Variants in TMEM132D observed in about 807,000 individuals in gnomAD.
TMEM132D encodes the protein transmembrane protein 132D, also known as mature OL transmembrane protein.
TMEM132D carries 21 observed loss-of-function variants against 62.3 expected under a neutral mutation model. That is an observed-to-expected ratio of 0.34 (90% CI 0.24 to 0.49). The LOEUF (loss-of-function observed/expected upper bound fraction) is 0.49. Ranked by LOEUF, TMEM132D falls within the 20% of genes least tolerant of loss-of-function variation. TMEM132D has a pLI of 0.99. For missense variants in TMEM132D, 1,346 were observed against 1,402.8 expected (o/e 0.96, Z 0.65); for synonymous variants, 621 against 575.6 (o/e 1.08, Z -1.13).
intron 4 of TMEM132D, among the ~76,000 whole-genome samples, chr12:129,265,629 C>T (rs559534832): frequency 1.3e-5 from 2 of 152,116 alleles, no homozygotes; most frequent in East Asian, 2.0e-4. Flanking sequence ...TCCTCTTCTC[C>T]CCTCATGTCT....
intron 2 of TMEM132D, among the ~76,000 whole-genome samples, chr12:129,540,555 C>T (rs979923265): frequency 6.6e-6 from 1 of 151,798 alleles, no homozygotes; most frequent in African/African-American, 2.4e-5. Flanking sequence ...GTGTGATCTC[C>T]ACTCACTGCA....
rs1014135232 is a variant in TMEM132D, at chr12:129,811,723, C to T, written c.79+91538G>A. ...TGCTGTCACATGAGCCAGGAGAAGACGCCAGACAGATACGGGGAGCAGGGC... is the reference window on the plus strand; with the variant it reads ...TGCTGTCACATGAGCCAGGAGAAGATGCCAGACAGATACGGGGAGCAGGGC... On this transcript the variant is annotated intron_variant, in intron 1 of 8. Transcript: ENST00000422113. Among the ~76,000 whole-genome samples, 13 of 151,832 alleles carry T rather than the reference C, an allele frequency of 8.6e-5. 1 individual carries two copies. The highest frequency in any genetic ancestry group is 3.4e-3 in the Middle Eastern group (1 of 294).
chr12:129,139,851 C>G (rs1411311652), intron 5 of TMEM132D, among the ~76,000 whole-genome samples: 1 of 152,066 alleles, frequency 6.6e-6, no homozygotes, highest in African/African-American at 2.4e-5. Context: ...GCTGGGACTA[C>G]AGGCATGTGC....
intron 3 of TMEM132D, among the ~76,000 whole-genome samples, chr12:129,433,044 G>T (rs569176429): frequency 1.3e-5 from 2 of 152,130 alleles, no homozygotes; most frequent in Non-Finnish European, 2.9e-5. Context: ...TTTGTATTTC[G>T]CTCCTTTGTA....
chr12:129,236,697 G>A (rs937254795), intron 4 of TMEM132D, among the ~76,000 whole-genome samples: 8 of 151,782 alleles, frequency 5.3e-5, no homozygotes, highest in African/African-American at 1.2e-4. Context: ...TTTTCTTTCC[G>A]ATTTGAATGC....
In TMEM132D at chr12:129,078,627, T is replaced by C. The variant is rs1874354430; in HGVS notation, c.2022A>G (p.Thr674=). 1.2e-6 allele frequency: 2 copies of C among 1,614,184 alleles called. No individual in the cohort carries two copies. The highest frequency in any genetic ancestry group is 2.7e-5 in the African/African-American group (2 of 75,046). ...TGAGCTGCAAGGAGAGTGACAGCCC[T>C]GTCACCAGCTGCACCCCGAGGTCTG... The part of the protein sequence containing the change: ...TITDLGVQLV[T]GLSLSLQLSP... Residue 674 remains threonine (T), a synonymous_variant, in exon 8 of 9, where the codon ACA becomes ACG. Coordinates refer to ENST00000422113, the MANE Select transcript of TMEM132D (RefSeq NM_133448.3).
intron 3 of TMEM132D, among the ~76,000 whole-genome samples, chr12:129,437,370 T>G (rs1178568593): frequency 2.0e-5 from 3 of 152,198 alleles, no homozygotes; most frequent in Non-Finnish European, 1.5e-5. Flanking sequence ...ATACACTTTG[T>G]CTGCTTAGAG....
At chr12:129,367,121 C>A (rs1260151085) in intron 3 of TMEM132D, among the ~76,000 whole-genome samples, 4 of 152,202 alleles carry the variant, frequency 2.6e-5, no homozygotes, top group Non-Finnish European at 5.9e-5. Context: ...ACTAGCAAGA[C>A]CTGCACAAGA....
intron 4 of TMEM132D, among the ~76,000 whole-genome samples, chr12:129,238,996 G>GTTTTT (rs1555240386): frequency 0.012 from 1,640 of 133,008 alleles, 63 homozygotes; most frequent in African/African-American, 0.041. Context: ...GTTATTTTCT[G>GTTTTT]TTTTTTTTTT....
chr12:129,558,670 T>C (rs772769939), intron 2 of TMEM132D, among the ~76,000 whole-genome samples: 22 of 152,164 alleles, frequency 1.4e-4, no homozygotes, highest in Non-Finnish European at 2.8e-4. Flanking sequence ...CGTGCTCTTC[T>C]GAAATGCAGA....
At chr12:129,525,731 C>T (rs1416297728) in intron 3 of TMEM132D, among the ~76,000 whole-genome samples, 1 of 152,182 alleles carries the variant, frequency 6.6e-6, no homozygotes, top group Non-Finnish European at 1.5e-5. Context: ...ACAGACATCA[C>T]TGCGACGCAC....
intron 5 of TMEM132D, among the ~76,000 whole-genome samples, chr12:129,123,592 T>C (rs1876125437): frequency 6.7e-6 from 1 of 148,452 alleles, no homozygotes; most frequent in South Asian, 2.2e-4. Context: ...GATGGTTGAC[T>C]TTATGTGTCA....
chr12:129,227,239 GATA>G (rs962096308), intron 4 of TMEM132D, among the ~76,000 whole-genome samples: 1 of 137,570 alleles, frequency 7.3e-6, no homozygotes, highest in African/African-American at 2.5e-5. Flanking sequence ...GATGCCAAGT[GATA>G]ATAACAATAA....
chr12:129,288,298 G>A (rs1291168555), intron 4 of TMEM132D, among the ~76,000 whole-genome samples: 1 of 152,162 alleles, frequency 6.6e-6, no homozygotes, highest in East Asian at 1.9e-4. Context: ...AGAGGAAGAA[G>A]GCAATCTATG....
intron 5 of TMEM132D, among the ~76,000 whole-genome samples, chr12:129,166,970 C>A (rs1877580875): frequency 1.3e-5 from 2 of 151,918 alleles, no homozygotes; most frequent in Non-Finnish European, 2.9e-5. Context: ...TCGAGACCAA[C>A]CTGGCCAACA....
intron 4 of TMEM132D, among the ~76,000 whole-genome samples, chr12:129,249,063 C>A (rs1880197330): frequency 6.6e-6 from 1 of 152,132 alleles, no homozygotes; most frequent in Non-Finnish European, 1.5e-5. Flanking sequence ...CTTAAAATTT[C>A]TTTTCAGGTG....
chr12:129,765,589 GA>G lies in TMEM132D; in HGVS notation c.80-64892del, dbSNP rs372058576. On this transcript the variant is annotated intron_variant, in intron 1 of 8. Coordinates refer to ENST00000422113, the MANE Select transcript of TMEM132D (RefSeq NM_133448.3). The stretch of plus-strand genomic sequence containing the variant: ...CTCCCAAAAAAAAAAAAAAGACCCA[GA>G]AAAAAAAAAGAAATTCAAATTCTGT... Among the ~76,000 whole-genome samples, 364 of 144,050 alleles carry G rather than the reference GA, an allele frequency of 2.5e-3. 4 individuals carry two copies. Among genetic ancestry groups the G allele is most frequent in the African/African-American group, 8.7e-3 (340 of 39,072 alleles). 94.5% of individuals were successfully genotyped at this position (144,050 alleles called of 152,430 possible). A position where few individuals can be genotyped will look rare whatever the true frequency, so the allele number is the denominator to read the frequency against.
In TMEM132D at chr12:129,209,535, A is replaced by T; in HGVS notation, c.1428T>A (p.Asp476Glu). The T allele has an allele frequency of 1.3e-6, 2 of 1,580,084 alleles. No homozygotes were observed. The highest frequency in any genetic ancestry group is 2.3e-5 in the East Asian group (1 of 43,706). Residue 476 changes from aspartate to glutamate, a missense_variant, in exon 5 of 9, where the codon GAT (aspartate) becomes GAA (glutamate). Asp to Glu is a conservative substitution (Grantham distance 45). Coordinates refer to ENST00000422113, the MANE Select transcript of TMEM132D (RefSeq NM_133448.3). ...LLESVECRSS[D>E]EDVIKVSDRC... is the part of the protein sequence containing the mutation. ...GTCAACTTGCCTTAATCACGTCTTC[A>T]TCAGACGATCTACACTCCACAGACT...
In TMEM132D at chr12:129,074,377, A is replaced by G; in HGVS notation, c.2798T>C (p.Val933Ala). 1 of 1,614,042 alleles carries G rather than the reference A, an allele frequency of 6.2e-7. No homozygotes were observed. The highest frequency in any genetic ancestry group is 1.1e-5 in the South Asian group (1 of 91,074). ...AAAGGTCACACAGTTTATCAAGAAGACCAAAATGGCCAAACAGAAGACTCC... is the reference window on the plus strand; with the variant it reads ...AAAGGTCACACAGTTTATCAAGAAGGCCAAAATGGCCAAACAGAAGACTCC... ...LLGVFCLAIL[V>A]FLINCVTFAL... The change falls in exon 9 of 9, where the codon GTC becomes GCC. Residue 933 changes from valine (V) to alanine (A), a missense_variant. By Grantham distance (64) the Val-to-Ala change is moderately conservative. Transcript: ENST00000422113.
Sources: gnomAD v4.1 joint callset for allele counts (sites outside exome capture counted in the v4.1 genomes callset) on GRCh38, gnomAD v4.1.1 for gene constraint, MANE v1.5 for transcripts, NCBI Gene and HGNC (gene_info 2026-07-23, HGNC 2026-07-21) for gene names.